Variants in ADGRL3 observed in about 807,000 individuals in gnomAD.
ADGRL3 encodes adhesion G protein-coupled receptor L3.
ADGRL3 carries 62 observed loss-of-function variants against 153.5 expected under a neutral mutation model. That is an observed-to-expected ratio of 0.40 (90% CI 0.33 to 0.50). ADGRL3 has a LOEUF of 0.50. ADGRL3 is among the 20% of genes least tolerant of loss of function. The probability of loss-of-function intolerance (pLI) is 0.47; values close to 1 mark genes in which losing one functional copy is unlikely to be tolerated. For missense variants in ADGRL3, 1,641 were observed against 1,859.4 expected (o/e 0.88, Z 2.16); for synonymous variants, 710 against 672.5 (o/e 1.06, Z -0.86).
intron 4 of ADGRL3, among the ~76,000 whole-genome samples, chr4:61,583,952 G>T (rs1304293627): frequency 1.3e-5 from 2 of 151,940 alleles, no homozygotes; most frequent in East Asian, 3.9e-4. Context: ...ACATGCAGTA[G>T]ACTATTTGAC....
At chr4:61,844,575 A>AAAAAAAAATATATATATATATATAT (rs1554045137) in intron 9 of ADGRL3, among the ~76,000 whole-genome samples, 1 of 18,108 alleles carries the variant, frequency 5.5e-5, no homozygotes, top group African/African-American at 2.6e-4. Context: ...AAAAAAAAAA[A>AAAAAAAAATATATATATATATATAT]ATATATATAT....
chr4:61,629,649 G>A (rs2093034663), intron 5 of ADGRL3, among the ~76,000 whole-genome samples: 1 of 142,588 alleles, frequency 7.0e-6, no homozygotes. Flanking sequence ...CTGGGGAGGT[G>A]GAGTTTGCAG....
intron 9 of ADGRL3, among the ~76,000 whole-genome samples, chr4:61,876,666 A>G (rs1421323140): frequency 6.6e-6 from 1 of 151,972 alleles, no homozygotes; most frequent in Non-Finnish European, 1.5e-5. Context: ...TGAGAAATAA[A>G]TGCCTGGGAG....
chr4:61,456,380 TATATATATAG>T (rs1476488054), intron 2 of ADGRL3, among the ~76,000 whole-genome samples: 1 of 105,916 alleles, frequency 9.4e-6, no homozygotes, highest in African/African-American at 3.4e-5. Context: ...TATATCTATA[TATATATATAG>T]ATATATCTAT....
chr4:61,430,657 A>G (rs1056036111), intron 2 of ADGRL3, among the ~76,000 whole-genome samples: 1 of 152,202 alleles, frequency 6.6e-6, no homozygotes, highest in Admixed American at 6.5e-5. Flanking sequence ...ACAAATATAC[A>G]TAAATAAAAC....
chr4:61,923,589 A>T (rs921071029), intron 13 of ADGRL3, among the ~76,000 whole-genome samples: 3 of 152,116 alleles, frequency 2.0e-5, no homozygotes, highest in South Asian at 2.1e-4. Flanking sequence ...CTTTATAGTC[A>T]CAGTTCCTTC....
intron 5 of ADGRL3, among the ~76,000 whole-genome samples, chr4:61,614,588 T>G (rs1453771837): frequency 6.6e-6 from 1 of 152,022 alleles, no homozygotes; most frequent in East Asian, 1.9e-4. Flanking sequence ...TAAAGGTAAA[T>G]GTATCAAATC....
At position 61,503,444 on chromosome 4, in the gene ADGRL3, A is replaced by T. The variant is rs2098405665; in HGVS notation, c.55+6096A>T. 4.6e-5 allele frequency among the ~76,000 whole-genome samples: 7 copies of T among 152,048 alleles called. 1 individual carries two copies. The highest frequency in any genetic ancestry group is 4.6e-4 in the Admixed American group (7 of 15,262). On this transcript the variant is annotated intron_variant, in intron 3 of 26. Coordinates refer to ENST00000683033, the MANE Select transcript of ADGRL3 (RefSeq NM_001387552.1). ...GTTGTTTTATACTTAATGTTGAACA[A>T]ATTTAAAAATATTTGAATATACAAT...
Position 61,505,884 on chromosome 4 carries a change from A to T in ADGRL3, c.55+8536A>T, listed in dbSNP as rs139917852. Among the ~76,000 whole-genome samples, 251 of 152,198 alleles carry T rather than the reference A, an allele frequency of 1.6e-3. 2 individuals are homozygous for T. The highest frequency in any genetic ancestry group is 5.9e-3 in the African/African-American group (247 of 41,566). On this transcript the variant is annotated intron_variant, in intron 3 of 26. Coordinates refer to ENST00000683033, the MANE Select transcript of ADGRL3 (RefSeq NM_001387552.1). Reference sequence around the variant, plus strand: ...GAACCTGGTGTTTTATATGGCAAGGATAATTAATGGTTAATAAATGTTGAT... The same window carrying T: ...GAACCTGGTGTTTTATATGGCAAGGTTAATTAATGGTTAATAAATGTTGAT...
At position 61,768,843 on chromosome 4, in the gene ADGRL3, G is replaced by A. The variant is rs147743564; in HGVS notation, c.1399+35289G>A. ...CCTCCAGAAAAGCAGAGAAAGGGCTGGGACACGGAAATAAGGGATTGGGGC... is the reference window on the plus strand; with the variant it reads ...CCTCCAGAAAAGCAGAGAAAGGGCTAGGACACGGAAATAAGGGATTGGGGC... On this transcript the variant is annotated intron_variant, in intron 8 of 26. Coordinates refer to ENST00000683033, the MANE Select transcript of ADGRL3 (RefSeq NM_001387552.1). Among the ~76,000 whole-genome samples, 25 of 152,006 alleles carry A rather than the reference G, an allele frequency of 1.6e-4. No homozygotes were observed. In the East Asian group the frequency reaches 4.3e-3, roughly 26 times the overall value.
intron 2 of ADGRL3, among the ~76,000 whole-genome samples, chr4:61,405,239 C>T (rs2096979650): frequency 6.6e-6 from 1 of 151,910 alleles, no homozygotes. Context: ...ATAAGCGATT[C>T]CAGTAGGAAA....
chr4:61,939,004 G>T (rs770377977), intron 15 of ADGRL3, among the ~76,000 whole-genome samples: 2 of 151,314 alleles, frequency 1.3e-5, no homozygotes, highest in South Asian at 4.2e-4. Context: ...GTTGGGGCCA[G>T]AAATAAGATA....
chr4:61,581,874 T>G (rs2098927180), intron 4 of ADGRL3, among the ~76,000 whole-genome samples: 2 of 152,222 alleles, frequency 1.3e-5, no homozygotes, highest in South Asian at 4.1e-4. Flanking sequence ...TTCAAATACA[T>G]TCTTTATCAT....
chr4:61,827,768 G>T (rs945292221), intron 9 of ADGRL3, among the ~76,000 whole-genome samples: 15 of 152,080 alleles, frequency 9.9e-5, no homozygotes, highest in African/African-American at 3.4e-4. Context: ...AGATAATTTG[G>T]GTGGATTTTG....
chr4:61,934,086 A>G (rs2098828577), intron 13 of ADGRL3: 1 of 152,204 alleles, frequency 6.6e-6, no homozygotes, highest in Non-Finnish European at 1.5e-5. Flanking sequence ...TTGTAACTAC[A>G]GAGATGATTC....
intron 21 of ADGRL3, among the ~76,000 whole-genome samples, chr4:62,025,282 C>G (rs1039889062): frequency 6.6e-6 from 1 of 152,114 alleles, no homozygotes; most frequent in African/African-American, 2.4e-5. Context: ...GTCTGACCAA[C>G]TTAAAACTTT....
intron 4 of ADGRL3, among the ~76,000 whole-genome samples, chr4:61,574,720 G>A (rs535150490): frequency 6.6e-6 from 1 of 151,962 alleles, no homozygotes; most frequent in East Asian, 1.9e-4. Context: ...AATGGTGGAT[G>A]TATTTCTTGA....
At chr4:61,508,228 G>C (rs1347353617) in intron 3 of ADGRL3, among the ~76,000 whole-genome samples, 1 of 151,982 alleles carries the variant, frequency 6.6e-6, no homozygotes, top group Admixed American at 6.5e-5. Flanking sequence ...TACAATTTAG[G>C]CAACGATTAT....
chr4:61,735,168 A>G (rs2096492525), intron 8 of ADGRL3, among the ~76,000 whole-genome samples: 1 of 152,174 alleles, frequency 6.6e-6, no homozygotes, highest in South Asian at 2.1e-4. Context: ...AGTGTAATAC[A>G]TCGCATATAT....
Sources: gnomAD v4.1 joint callset for allele counts (sites outside exome capture counted in the v4.1 genomes callset) on GRCh38, gnomAD v4.1.1 for gene constraint, MANE v1.5 for transcripts, NCBI Gene and HGNC (gene_info 2026-07-23, HGNC 2026-07-21) for gene names.